Variants in TULP4 observed in about 807,000 individuals in gnomAD.
TULP4 encodes TUB like protein 4, also known as tubby-related protein 4.
TULP4 carries 16 observed loss-of-function variants against 129.0 expected under a neutral mutation model. That is an observed-to-expected ratio of 0.12 (90% confidence interval 0.08 to 0.19). TULP4 has a LOEUF of 0.19. TULP4 is among the 10% of genes least tolerant of loss of function. The pLI, the probability that TULP4 is intolerant of heterozygous loss-of-function variation, is 1.00. For synonymous variants in TULP4, 998 were observed against 854.0 expected (o/e 1.17, Z -2.94); for missense variants, 1,842 against 2,059.1 (o/e 0.89, Z 2.04).
intron 1 of TULP4, among the ~76,000 whole-genome samples, chr6:158,302,736 C>A (rs1009869133): frequency 6.6e-6 from 1 of 152,006 alleles, no homozygotes; most frequent in African/African-American, 2.4e-5. Flanking sequence ...GGACCGAGAC[C>A]GAGTCCGGGA....
At chr6:158,488,248 G>A (rs896576185) in intron 8 of TULP4, among the ~76,000 whole-genome samples, 3 of 152,166 alleles carry the variant, frequency 2.0e-5, no homozygotes, top group African/African-American at 7.2e-5. Context: ...ACACACACAG[G>A]CACATTCTGT....
rs755443589 is a variant in TULP4 at position 158,503,120 on chromosome 6, C to T, written c.3457C>T (p.Leu1153=). The T allele has an allele frequency of 6.2e-7, 1 of 1,614,018 alleles. No individual in the cohort carries two copies. The highest frequency in any genetic ancestry group is 8.5e-7 in the Non-Finnish European group (1 of 1,179,914). Residue 1153 remains leucine (L), a synonymous_variant, in exon 13 of 14, where the codon CTG becomes TTG. Coordinates refer to ENST00000367097, the MANE Select transcript of TULP4 (RefSeq NM_020245.5). The surrounding 1 kb of genome is among the most constrained non-coding windows in gnomAD (Gnocchi z 4.3). ...GCCCAACCCCTTAAAACTGTCCTCT[C>T]TGATGCTGAGTCAGGGCCAGCACCT... ...SGPNPLKLSS[L]MLSQGQHLDV...
intron 1 of TULP4, among the ~76,000 whole-genome samples, chr6:158,364,917 A>G (rs1249765263): frequency 1.3e-5 from 2 of 151,894 alleles, no homozygotes; most frequent in Non-Finnish European, 1.5e-5. Context: ...TTGTATTTTT[A>G]GTAGAGATGG....
In TULP4 at chr6:158,511,200, CTTG is replaced by C. The variant is rs761765919; in HGVS notation, c.*4512_*4514del. ...AAGGGGAGGGGTAGGGTTCTAAGAT[CTTG>C]TTGTTTATTGTAGATAAAAATTTTT... On this transcript the variant is annotated 3_prime_UTR_variant, in exon 14 of 14. Coordinates refer to ENST00000367097, the MANE Select transcript of TULP4 (RefSeq NM_020245.5). The C allele has an allele frequency of 1.3e-5, 2 of 152,366 alleles. No individual in the cohort carries two copies. The highest frequency in any genetic ancestry group is 1.9e-4 in the East Asian group (1 of 5,190). The allele number at this position is 152,366 out of a possible 1,614,324, so 9.4% of individuals were successfully genotyped here.
At chr6:158,248,031 C>T (rs1266525811) in intron 1 of TULP4, among the ~76,000 whole-genome samples, 4 of 152,186 alleles carry the variant, frequency 2.6e-5, no homozygotes, top group African/African-American at 9.7e-5. Flanking sequence ...TTCTGCTGTG[C>T]GCACAAAACC....
At chr6:158,281,531 T>C (rs1562504755), upstream of TULP4, among the ~76,000 whole-genome samples, 1 of 152,116 alleles carries the variant, frequency 6.6e-6, no homozygotes, top group Non-Finnish European at 1.5e-5. Flanking sequence ...GAAGGGTTGA[T>C]GGGGGCAGGT....
chr6:158,309,606 G>C (rs1418596695), upstream of TULP4, among the ~76,000 whole-genome samples: 2 of 152,168 alleles, frequency 1.3e-5, no homozygotes, highest in East Asian at 3.9e-4. Context: ...GCACCATTGA[G>C]CACCGAGTGA....
chr6:158,434,935 A>G (rs1217047369), intron 3 of TULP4, among the ~76,000 whole-genome samples: 2 of 152,212 alleles, frequency 1.3e-5, no homozygotes, highest in Admixed American at 1.3e-4. Flanking sequence ...TGGCATGGGA[A>G]GAAGACTCTC....
At chr6:158,407,291 C>G (rs1483471704) in intron 1 of TULP4, among the ~76,000 whole-genome samples, 1 of 152,208 alleles carries the variant, frequency 6.6e-6, no homozygotes, top group Non-Finnish European at 1.5e-5. Flanking sequence ...GCATCATTAA[C>G]CATCAGGGAA....
At chr6:158,426,149 A>C (rs1562561538) in intron 2 of TULP4, among the ~76,000 whole-genome samples, 1 of 152,104 alleles carries the variant, frequency 6.6e-6, no homozygotes, top group Non-Finnish European at 1.5e-5. Flanking sequence ...GTACTTTGTA[A>C]AATTTTTCTC....
intron 3 of TULP4, among the ~76,000 whole-genome samples, chr6:158,437,417 C>T (rs1311507203): frequency 6.6e-6 from 1 of 152,034 alleles, no homozygotes; most frequent in Non-Finnish European, 1.5e-5. Flanking sequence ...AAAAACCAGC[C>T]AGGTGCAGTG....
chr6:158,311,515 A>G (rs1047120693), upstream of TULP4, among the ~76,000 whole-genome samples: 1 of 152,214 alleles, frequency 6.6e-6, no homozygotes, highest in African/African-American at 2.4e-5. Flanking sequence ...TAGACCACAT[A>G]AAAGCTTAGA....
At chr6:158,282,463 T>C (rs1778771059) in intron 1 of TULP4, 1 of 152,096 alleles carries the variant, frequency 6.6e-6, no homozygotes, top group African/African-American at 2.4e-5. Context: ...ATGTTCATTA[T>C]GTCCAGCTGT....
At chr6:158,482,889 C>T (rs924211007) in intron 8 of TULP4, among the ~76,000 whole-genome samples, 1 of 152,172 alleles carries the variant, frequency 6.6e-6, no homozygotes, top group African/African-American at 2.4e-5. Context: ...GAATCTGACC[C>T]GACTACGCCA....
At chr6:158,418,393 C>A (rs948686542) in intron 2 of TULP4, among the ~76,000 whole-genome samples, 3 of 149,836 alleles carry the variant, frequency 2.0e-5, no homozygotes, top group Non-Finnish European at 4.4e-5. Flanking sequence ...CAGGCATGAG[C>A]CACCACTTTT....
rs1780516128 is a variant in TULP4 at position 158,503,361 on chromosome 6, C to G, written c.3698C>G (p.Pro1233Arg). The G allele has an allele frequency of 1.2e-6, 2 of 1,613,836 alleles. No individual in the cohort carries two copies. Among genetic ancestry groups the G allele is most frequent in the Non-Finnish European group, 8.5e-7 (1 of 1,179,994 alleles). Reference sequence around the variant, plus strand: ...GTGGTCCTTCAGCCGCTGTACCCACCCAGCCTCTCCTATTGCACCCTGCCC... The same window carrying G: ...GTGGTCCTTCAGCCGCTGTACCCACGCAGCCTCTCCTATTGCACCCTGCCC... ...PAVVLQPLYP[P>R]SLSYCTLPPM... Residue 1233 changes from proline (P) to arginine (R), a missense_variant, in exon 13 of 14, where the codon CCC (proline) becomes CGC (arginine). Pro to Arg is a moderately radical substitution (Grantham distance 103). Coordinates refer to ENST00000367097, the MANE Select transcript of TULP4 (RefSeq NM_020245.5). The surrounding 1 kb of genome is among the most constrained non-coding windows in gnomAD (Gnocchi z 4.3).
chr6:158,423,442 A>G (rs988635106), intron 2 of TULP4, among the ~76,000 whole-genome samples: 2 of 151,894 alleles, frequency 1.3e-5, no homozygotes, highest in African/African-American at 2.4e-5. Flanking sequence ...GAAAATGTTA[A>G]GTATTGTCAC....
chr6:158,241,017 C>A (rs1298020845), intron 1 of TULP4, among the ~76,000 whole-genome samples: 2 of 138,166 alleles, frequency 1.4e-5, no homozygotes, highest in African/African-American at 5.1e-5. Flanking sequence ...AGAGGGTCTC[C>A]TCACTTCTCA....
rs113914160 is a variant in TULP4 at position 158,246,023 on chromosome 6, G to GGGGGTGTGTGT, written n.68+13721_68+13722insGGGTGTGTGTG. 6.9e-4 allele frequency among the ~76,000 whole-genome samples: 100 copies of GGGGGTGTGTGT among 145,920 alleles called. No homozygotes were observed. In the South Asian group the frequency reaches 7.4e-3, roughly 11 times the overall value. The stretch of plus-strand genomic sequence containing the variant: ...GTGAGTAATTTGCCTACCCCTTAGG[G>GGGGGTGTGTGT]GTGTGTGTGTGTGTGTGTGTGTGTG... On this transcript the variant is annotated intron_variant and non_coding_transcript_variant, in intron 1 of 1. Coordinates refer to the TULP4 transcript ENST00000620026.
Sources: gnomAD v4.1 joint callset for allele counts (sites outside exome capture counted in the v4.1 genomes callset) on GRCh38, gnomAD v4.1.1 for gene constraint, Gnocchi (gnomAD v3.1) non-coding constraint, MANE v1.5 for transcripts, NCBI Gene and HGNC (gene_info 2026-07-23, HGNC 2026-07-21) for gene names.